Variants in CLHC1 observed in about 807,000 individuals in gnomAD.
CLHC1 encodes the protein clathrin heavy chain linker domain-containing protein 1.
CLHC1 carries 72 observed loss-of-function variants against 69.5 expected under a neutral mutation model. The observed-to-expected ratio is 1.04, with a 90% CI of 0.86 to 1.26. CLHC1 has a LOEUF of 1.26. Among genes scored for constraint, CLHC1 ranks in the 50% most tolerant of loss-of-function variants. The pLI is 0.00. For missense variants in CLHC1, 790 were observed against 679.3 expected, an observed-to-expected ratio of 1.16 and a Z score of -1.81; for synonymous variants, 223 against 224.3, an observed-to-expected ratio of 0.99 and a Z score of 0.05.
chr2:55,210,507 G>A (rs1301072473), intron 5 of CLHC1, among the ~76,000 whole-genome samples: 1 of 151,904 alleles, frequency 6.6e-6, no homozygotes, highest in Non-Finnish European at 1.5e-5. Flanking sequence ...CAGGCTAGCA[G>A]TTTTAAACAT....
chr2:55,177,454 G>T, intron 12 of CLHC1, 148 bp downstream of exon 12: 2 of 467,056 alleles, frequency 4.3e-6, no homozygotes, highest in Non-Finnish European at 3.8e-6. Flanking sequence ...TTATTTACAT[G>T]GCAATCTTTA....
rs537805774 is a variant in CLHC1 at position 55,184,474 on chromosome 2, T to C, written c.1007-2730A>G. Among the ~76,000 whole-genome samples the C allele has an allele frequency of 2.6e-5, 4 of 152,266 alleles. No homozygotes were observed. The East Asian group carries it at 7.7e-4, about 29-fold the overall frequency. On this transcript the variant is annotated intron_variant, in intron 9 of 12. Transcript: ENST00000401408. ...AAAGTAGCTTGCTCAAAGAACACAA[T>C]GCAAGTGTATAGTAAAGATAACATT...
upstream of CLHC1, chr2:55,232,354 A>G (rs913153039): frequency 3.7e-6 from 1 of 268,150 alleles, no homozygotes; most frequent in Non-Finnish European, 7.4e-6. Context: ...GTGGAGAACT[A>G]CAGTTCCCAG....
In CLHC1 at chr2:55,180,725, G is replaced by C; in HGVS notation, c.1182-13C>G. 1.2e-6 allele frequency: 2 copies of C among 1,608,020 alleles called. No individual in the cohort carries two copies. The highest frequency in any genetic ancestry group is 1.7e-6 in the Non-Finnish European group (2 of 1,174,784). ...AGAAAATGTCAGTCTAGAACAAGCA[G>C]ATCAATAAGACATATGTTAGAAAAT... is the stretch of plus-strand genomic sequence containing the variant. On this transcript the variant is annotated splice_polypyrimidine_tract_variant and intron_variant, in intron 10 of 12. Transcript: ENST00000401408.
intron 9 of CLHC1, among the ~76,000 whole-genome samples, chr2:55,195,824 A>T (rs908423437): frequency 1.2e-4 from 18 of 152,142 alleles, no homozygotes; most frequent in African/African-American, 4.1e-4. Flanking sequence ...AAACAAACAA[A>T]GAACAAAAAC....
chr2:55,176,148 C>CTCA (rs71410428), intron 12 of CLHC1, among the ~76,000 whole-genome samples, 162 bp from the exon 13 acceptor site: 26,757 of 152,116 alleles, frequency 0.18, 2,585 homozygotes, highest in East Asian at 0.39. Flanking sequence ...CTCAGTCAAG[C>CTCA]TCATGGTAAG....
At chr2:55,176,393 A>G (rs1669393839) in intron 12 of CLHC1, among the ~76,000 whole-genome samples, 1 of 152,222 alleles carries the variant, frequency 6.6e-6, no homozygotes. Context: ...CTATAGGTCA[A>G]GTTTTCATGA....
intron 9 of CLHC1, among the ~76,000 whole-genome samples, chr2:55,204,869 A>G (rs146953745): frequency 2.0e-4 from 31 of 152,314 alleles, no homozygotes; most frequent in African/African-American, 7.0e-4. Context: ...TTGTTGGTGG[A>G]GTTAAAAATA....
chr2:55,221,587 C>T (rs1256594099), intron 3 of CLHC1, among the ~76,000 whole-genome samples: 1 of 152,162 alleles, frequency 6.6e-6, no homozygotes, highest in Admixed American at 6.5e-5. Context: ...CATGTTTCTG[C>T]TTGCAGCCCA....
At chr2:55,184,424 T>C (rs569944190) in intron 9 of CLHC1, among the ~76,000 whole-genome samples, 1 of 152,216 alleles carries the variant, frequency 6.6e-6, no homozygotes. Flanking sequence ...GTTTTTCAAG[T>C]AATAAAACTG....
chr2:55,224,255 C>G (rs779477200), intron 2 of CLHC1: 1 of 348,802 alleles, frequency 2.9e-6, no homozygotes, highest in Non-Finnish European at 5.8e-6. Context: ...TGATAATGTA[C>G]TTGATTCCAC....
chr2:55,186,466 A>G (rs1253059041), intron 9 of CLHC1, among the ~76,000 whole-genome samples: 9 of 152,212 alleles, frequency 5.9e-5, no homozygotes, highest in African/African-American at 2.2e-4. Context: ...TAAAATATCT[A>G]TGTCTGGCTC....
At chr2:55,204,493 G>T in intron 9 of CLHC1, among the ~76,000 whole-genome samples, 1 of 152,174 alleles carries the variant, frequency 6.6e-6, no homozygotes, top group East Asian at 1.9e-4. Flanking sequence ...GTGGAGAAAA[G>T]GGAACCCTTG....
chr2:55,201,381 T>G (rs938446688), intron 9 of CLHC1, among the ~76,000 whole-genome samples: 10 of 152,104 alleles, frequency 6.6e-5, no homozygotes, highest in African/African-American at 2.4e-4. Flanking sequence ...TATAGGTTAC[T>G]ATGAGCAACT....
At chr2:55,190,206 G>A (rs919753774) in intron 9 of CLHC1, among the ~76,000 whole-genome samples, 15 of 140,212 alleles carry the variant, frequency 1.1e-4, no homozygotes, top group Non-Finnish European at 1.6e-4. Flanking sequence ...CACCACACCC[G>A]GCTAATTTTT....
At chr2:55,188,327 A>G (rs576326882) in intron 9 of CLHC1, among the ~76,000 whole-genome samples, 18 of 152,148 alleles carry the variant, frequency 1.2e-4, no homozygotes, top group Non-Finnish European at 2.4e-4. Flanking sequence ...ACAAAAGGGT[A>G]TATGTGTATA....
chr2:55,192,917 G>A (rs1671065289), intron 9 of CLHC1, among the ~76,000 whole-genome samples: 1 of 143,150 alleles, frequency 7.0e-6, no homozygotes, highest in Non-Finnish European at 1.5e-5. Flanking sequence ...TTGAGATGGA[G>A]TCTTACTCTG....
intron 2 of CLHC1, among the ~76,000 whole-genome samples, chr2:55,222,790 G>A (rs955860329): frequency 7.9e-5 from 12 of 151,758 alleles, no homozygotes; most frequent in Admixed American, 7.2e-4. Flanking sequence ...GCGTGGTGGC[G>A]CATGCCTGTA....
chr2:55,198,448 A>G (rs1185437568), intron 9 of CLHC1, among the ~76,000 whole-genome samples: 1 of 152,080 alleles, frequency 6.6e-6, no homozygotes, highest in African/African-American at 2.4e-5. Context: ...TTAGCTGGGT[A>G]TGGTGGCACA....
Sources: allele counts gnomAD v4.1 joint callset (sites outside exome capture counted in the v4.1 genomes callset), GRCh38; gene constraint gnomAD v4.1.1; transcripts MANE v1.5; gene names NCBI Gene and HGNC (gene_info 2026-07-23, HGNC 2026-07-21).